TMEM156: variants seen among roughly 807,000 people sequenced by gnomAD.
The protein encoded by TMEM156 is transmembrane protein 156.
TMEM156 carries 28 observed loss-of-function variants against 30.5 expected under a neutral mutation model. That is an observed-to-expected ratio of 0.92 (90% CI 0.68 to 1.26). The LOEUF is 1.26. Ranked by LOEUF, TMEM156 falls within the 50% of genes most tolerant of loss-of-function variation. The pLI is 0.00. For missense variants in TMEM156, 351 were observed against 340.6 expected (o/e 1.03, Z -0.24); for synonymous variants, 137 against 119.9 (o/e 1.14, Z -0.93).
At chr4:39,009,217 C>T (rs1014703463) in intron 1 of TMEM156, among the ~76,000 whole-genome samples, 1 of 151,948 alleles carries the variant, frequency 6.6e-6, no homozygotes, top group African/African-American at 2.4e-5. Context: ...AAATTTCAAA[C>T]AGACCAATAA....
intron 5 of TMEM156, among the ~76,000 whole-genome samples, chr4:38,981,881 C>T (rs550853925): frequency 1.3e-5 from 2 of 152,128 alleles, no homozygotes; most frequent in Non-Finnish European, 2.9e-5. Context: ...ATCACCAATG[C>T]TTAGTATAAT....
At position 38,978,915 on chromosome 4, in the gene TMEM156, T is replaced by C. The variant is rs561186651; in HGVS notation, c.823+7421A>G. Reference sequence around the variant, plus strand: ...CTCCCACCTGAGGCTCCCGAAATGTTGGATTACAGGTGTGAGCCACCACAC... The same window carrying C: ...CTCCCACCTGAGGCTCCCGAAATGTCGGATTACAGGTGTGAGCCACCACAC... On this transcript the variant is annotated intron_variant, in intron 5 of 6. Coordinates refer to ENST00000381938, the MANE Select transcript of TMEM156 (RefSeq NM_024943.3). 2.6e-5 allele frequency among the ~76,000 whole-genome samples: 4 copies of C among 152,224 alleles called. No individual in the cohort carries two copies. The East Asian group carries it at 7.7e-4, about 29-fold the overall frequency.
intron 1 of TMEM156, among the ~76,000 whole-genome samples, chr4:39,030,777 G>A (rs950762603): frequency 1.8e-4 from 27 of 151,952 alleles, no homozygotes; most frequent in Non-Finnish European, 2.5e-4. Context: ...AACCTACTCC[G>A]GATAACTATT....
intron 6 of TMEM156, among the ~76,000 whole-genome samples, chr4:38,968,362 G>A (rs888073541): frequency 2.6e-5 from 4 of 152,164 alleles, no homozygotes; most frequent in African/African-American, 4.8e-5. Flanking sequence ...GTCCTCTGAA[G>A]GAGGAGTCTC....
intron 2 of TMEM156, among the ~76,000 whole-genome samples, chr4:38,995,322 A>T (rs933549858): frequency 6.6e-5 from 10 of 152,230 alleles, no homozygotes; most frequent in Admixed American, 2.0e-4. Flanking sequence ...GACCCAATTC[A>T]ATCCATAACA....
chr4:38,967,633 G>T lies in TMEM156; in HGVS notation c.*47C>A, dbSNP rs76821158. 2.0e-5 allele frequency: 3 copies of T among 152,176 alleles called. No homozygotes were observed. Among genetic ancestry groups the T allele is most frequent in the Non-Finnish European group, 4.4e-5 (3 of 68,034 alleles). 9.4% of individuals were successfully genotyped at this position (152,176 alleles called of 1,614,324 possible). A position where few individuals can be genotyped will look rare whatever the true frequency, so the allele number is the denominator to read the frequency against. On this transcript the variant is annotated 3_prime_UTR_variant, in exon 7 of 7. Transcript: ENST00000381938. ...TCAAAGGGCTCGGTCCAACTTGCCC[G>T]GGGATATTCTGAAGATTTAAATAAA...
At position 38,990,830 on chromosome 4, in the gene TMEM156, G is replaced by GTTTCTTTTT. The variant is rs1553878600; in HGVS notation, c.620-1861_620-1860insAAAAAGAAA. The stretch of plus-strand genomic sequence containing the variant: ...CTTTGTTTTTTTGGTTTGTTTTCTG[G>GTTTCTTTTT]TTTTTTTTTTTTTTTTTTTTTTTGA... On this transcript the variant is annotated intron_variant, in intron 3 of 6. Coordinates refer to ENST00000381938, the MANE Select transcript of TMEM156 (RefSeq NM_024943.3). Among the ~76,000 whole-genome samples the GTTTCTTTTT allele has an allele frequency of 1.2e-4, 10 of 81,216 alleles. 3 individuals carry two copies. Among genetic ancestry groups the GTTTCTTTTT allele is most frequent in the Admixed American group, 2.9e-4 (2 of 6,886 alleles). The allele number at this position is 81,216 out of a possible 152,430, so 53.3% of individuals were successfully genotyped here.
intron 1 of TMEM156, among the ~76,000 whole-genome samples, chr4:39,010,537 C>G (rs1311696899): frequency 1.3e-5 from 2 of 152,164 alleles, no homozygotes; most frequent in Non-Finnish European, 2.9e-5. Flanking sequence ...GTAACAAAAA[C>G]AGCATGGTAA....
chr4:38,982,624 A>G (rs1037238116), intron 5 of TMEM156, among the ~76,000 whole-genome samples: 1 of 152,224 alleles, frequency 6.6e-6, no homozygotes, highest in Non-Finnish European at 1.5e-5. Context: ...GCCAGATATT[A>G]TGCTAGCAAC....
intron 1 of TMEM156, among the ~76,000 whole-genome samples, chr4:39,014,411 CT>C (rs1255955148): frequency 6.6e-6 from 1 of 152,098 alleles, no homozygotes; most frequent in African/African-American, 2.4e-5. Flanking sequence ...TCTCCAGTTT[CT>C]GTAGATAGAA....
intron 1 of TMEM156, among the ~76,000 whole-genome samples, chr4:39,002,122 G>T (rs1271905371): frequency 4.3e-5 from 6 of 138,056 alleles, no homozygotes; most frequent in South Asian, 5.2e-4. Flanking sequence ...GAAAATTTTC[G>T]CAACCTACTC....
chr4:39,006,082 G>A (rs1713715675), intron 1 of TMEM156, among the ~76,000 whole-genome samples: 1 of 152,090 alleles, frequency 6.6e-6, no homozygotes, highest in Non-Finnish European at 1.5e-5. Context: ...TTTTAATAGA[G>A]ATGAAGTTTC....
In TMEM156 at chr4:38,993,999, C is replaced by A. The variant is rs370956978; in HGVS notation, c.359-1G>T. On this transcript the variant is annotated splice_acceptor_variant, in intron 2 of 6. Transcript: ENST00000381938. LOFTEE classifies it high-confidence loss of function. ...TCCATTGATCCTCTCCTGATAAGAA[C>A]TAGAAAGTGATTAAGAAAATGTTAT... 1 of 1,605,778 alleles carries A rather than the reference C, an allele frequency of 6.2e-7. No individual in the cohort carries two copies. The highest frequency in any genetic ancestry group is 1.7e-5 in the Admixed American group (1 of 59,348).
intron 1 of TMEM156, among the ~76,000 whole-genome samples, chr4:39,030,751 A>G (rs540718805): frequency 4.0e-5 from 6 of 151,034 alleles, no homozygotes; most frequent in Admixed American, 2.7e-4. Context: ...AGCTAGCTAG[A>G]TAGATATATA....
chr4:39,000,345 T>C (rs1713249562), intron 1 of TMEM156, among the ~76,000 whole-genome samples: 1 of 152,124 alleles, frequency 6.6e-6, no homozygotes, highest in South Asian at 2.1e-4. Flanking sequence ...TGAACCATGA[T>C]CACACCACTG....
intron 5 of TMEM156, chr4:38,980,769 A>C (rs1431367542): frequency 5.0e-6 from 1 of 199,202 alleles, no homozygotes; most frequent in East Asian, 1.9e-4. Flanking sequence ...TAACGAGACA[A>C]CATCAGGGTG....
intron 1 of TMEM156, among the ~76,000 whole-genome samples, chr4:39,027,725 A>G (rs1300099349): frequency 7.1e-6 from 1 of 139,970 alleles, no homozygotes; most frequent in African/African-American, 2.7e-5. Context: ...TGCCCAGCTA[A>G]TTTTCCTTTT....
At chr4:39,013,497 T>C (rs1714270635) in intron 1 of TMEM156, among the ~76,000 whole-genome samples, 1 of 151,818 alleles carries the variant, frequency 6.6e-6, no homozygotes, top group East Asian at 1.9e-4. Flanking sequence ...CCTCCTGGAT[T>C]CAAGCGATTT....
chr4:38,985,104 T>C (rs537194399), intron 5 of TMEM156, among the ~76,000 whole-genome samples: 1 of 152,342 alleles, frequency 6.6e-6, no homozygotes, highest in South Asian at 2.1e-4. Flanking sequence ...CCCACAGAAC[T>C]GTGTTAAAAC....
Sources: allele counts gnomAD v4.1 joint callset (sites outside exome capture counted in the v4.1 genomes callset), GRCh38; gene constraint gnomAD v4.1.1; transcripts MANE v1.5; gene names NCBI Gene and HGNC (gene_info 2026-07-23, HGNC 2026-07-21).